GGT7: variants seen among roughly 807,000 people sequenced by gnomAD.
The protein encoded by GGT7 is glutathione hydrolase 7.
In GGT7, 30 loss-of-function variants were observed where a neutral mutation model predicts 69.2. The observed-to-expected ratio is 0.43, with a 90% confidence interval of 0.32 to 0.59. GGT7 has a LOEUF of 0.59. GGT7 is among the 20% of genes least tolerant of loss of function. The pLI is 0.05. For synonymous variants in GGT7, 388 were observed against 391.8 expected (o/e 0.99, Z 0.12); for missense variants, 733 against 901.1 (o/e 0.81, Z 2.39).
At position 34,859,645 on chromosome 20, in the gene GGT7, G is replaced by A. The variant is rs1474362780; in HGVS notation, c.818-6C>T. The A allele has an allele frequency of 6.3e-7, 1 of 1,582,574 alleles. No homozygotes were observed. Among genetic ancestry groups the A allele is most frequent in the East Asian group, 2.3e-5 (1 of 44,110 alleles). Reference sequence around the variant, plus strand: ...CTGTTCAGCCAGGGCACGGGCTAGGGGCAGGGACGGGAGGCTGGGCAGGGC... The same window carrying A: ...CTGTTCAGCCAGGGCACGGGCTAGGAGCAGGGACGGGAGGCTGGGCAGGGC... On this transcript the variant is annotated splice_region_variant and splice_polypyrimidine_tract_variant and intron_variant, in intron 6 of 14. Transcript: ENST00000336431.
chr20:34,863,097 C>A lies in GGT7; in HGVS notation c.406-132G>T. 1 of 912,912 alleles carries A rather than the reference C, an allele frequency of 1.1e-6. No individual in the cohort carries two copies. 56.6% of individuals were successfully genotyped at this position (912,912 alleles called of 1,614,324 possible). The stretch of plus-strand genomic sequence containing the variant: ...CCCCTTGTTGCCTTGACTCTGCCCT[C>A]ATTACCCCAAGTGCCTCCTAATGGA... On this transcript the variant is annotated intron_variant, in intron 2 of 14. Transcript: ENST00000336431. This position sits in a 1 kb window ranked among gnomAD's most constrained non-coding sequence, Gnocchi z 4.4.
chr20:34,856,791 C>G lies in GGT7; in HGVS notation c.1102+15G>C, dbSNP rs745601785. ...TCTCCTGAGGGGGGACCCTGGGAGC[C>G]GGGGGAGAGGTCACCTCTGTACACG... On this transcript the variant is annotated intron_variant, in intron 8 of 14. Coordinates refer to ENST00000336431, the MANE Select transcript of GGT7 (RefSeq NM_178026.3). The G allele has an allele frequency of 6.5e-6, 10 of 1,526,980 alleles. No individual in the cohort carries two copies. The South Asian group carries it at 1.0e-4, about 16-fold the overall frequency. 94.6% of individuals were successfully genotyped at this position (1,526,980 alleles called of 1,614,324 possible).
chr20:34,863,481 G>T lies in GGT7; in HGVS notation c.237C>A (p.Ser79Arg). ...RLPSSSSEMG[S>R]QDGSPLRETR... Reference sequence around the variant, plus strand: ...TCTCGCGTAGCGGCGACCCGTCTTGGCTGCCCATCTCCGACGACGACGATG... The same window carrying T: ...TCTCGCGTAGCGGCGACCCGTCTTGTCTGCCCATCTCCGACGACGACGATG... The change falls in exon 2 of 15, where the codon AGC becomes AGA. Residue 79 changes from serine (S) to arginine (R), a missense_variant. Coordinates refer to ENST00000336431, the MANE Select transcript of GGT7 (RefSeq NM_178026.3). The surrounding 1 kb of genome is among the most constrained non-coding windows in gnomAD (Gnocchi z 4.4). The T allele has an allele frequency of 6.2e-7, 1 of 1,608,694 alleles. No individual in the cohort carries two copies. Among genetic ancestry groups the T allele is most frequent in the Non-Finnish European group, 8.5e-7 (1 of 1,178,078 alleles).
chr20:34,866,619 G>A (rs772513576), intron 1 of GGT7, among the ~76,000 whole-genome samples: 1 of 150,750 alleles, frequency 6.6e-6, no homozygotes, highest in African/African-American at 2.4e-5. Flanking sequence ...TCACTCTGTC[G>A]CCCAGGCTGG....
rs115817866 is a variant in GGT7 at position 34,859,818 on chromosome 20, G to T, written c.817+151C>A. On this transcript the variant is annotated intron_variant, in intron 6 of 14. Transcript: ENST00000336431. ...CCCTTCCCAGACCCCCTCGTTTGAG[G>T]CCGCCTCCAGGTGAGGGTGGGATAA... The T allele has an allele frequency of 3.8e-3, 2,920 of 771,640 alleles. 53 individuals carry two copies. In the African/African-American group the frequency reaches 0.045, roughly 12 times the overall value. The allele number at this position is 771,640 out of a possible 1,614,324, so 47.8% of individuals were successfully genotyped here. A position where few individuals can be genotyped will look rare whatever the true frequency, so the allele number is the denominator to read the frequency against.
chr20:34,850,782 C>A, intron 13 of GGT7: 2 of 498,114 alleles, frequency 4.0e-6, no homozygotes, highest in Admixed American at 2.1e-5. Context: ...GTTAACTCAC[C>A]ACCTGCCAAA....
intron 8 of GGT7, among the ~76,000 whole-genome samples, chr20:34,856,336 T>A (rs1235663836): frequency 6.6e-6 from 1 of 152,200 alleles, no homozygotes; most frequent in African/African-American, 2.4e-5. Flanking sequence ...TTGGTTTTCT[T>A]GAGTTTGGCC....
intron 8 of GGT7, among the ~76,000 whole-genome samples, chr20:34,855,981 C>A (rs562470153): frequency 6.6e-6 from 1 of 152,096 alleles, no homozygotes; most frequent in Non-Finnish European, 1.5e-5. Flanking sequence ...TTTATAGAGA[C>A]GGTGTCTCAC....
chr20:34,859,422 C>A, intron 7 of GGT7, 21 bp downstream of exon 7: 1 of 1,549,908 alleles, frequency 6.5e-7, no homozygotes, highest in South Asian at 1.2e-5. Context: ...ATGCCCCCAC[C>A]CGCACAACAC....
chr20:34,869,789 G>A (rs1011383334), intron 1 of GGT7, among the ~76,000 whole-genome samples: 1 of 152,162 alleles, frequency 6.6e-6, no homozygotes, highest in African/African-American at 2.4e-5. Context: ...GGCAGTGGAG[G>A]AAGAGCAGGT....
At chr20:34,853,342 T>G (rs6060085) in intron 10 of GGT7, among the ~76,000 whole-genome samples, 25 of 17,128 alleles carry the variant, frequency 1.5e-3, no homozygotes, top group Middle Eastern at 0.026. Context: ...TTCATATAGG[T>G]GTGTGTGTGT....
At position 34,851,233 on chromosome 20, in the gene GGT7, G is replaced by C; in HGVS notation, c.1723C>G (p.Gln575Glu). The change falls in exon 13 of 15, where the codon CAG becomes GAG. Residue 575 changes from glutamine to glutamate, a missense_variant and splice_region_variant. Coordinates refer to ENST00000336431, the MANE Select transcript of GGT7 (RefSeq NM_178026.3). ...GAARGLSGLT[Q>E]VLLNVLTLNR... is the part of the protein sequence containing the mutation. Reference sequence around the variant, plus strand: ...GCCAACCATGGCGTAAACCTCACCTGTGTCAGGCCGCTGAGGCCCCGCGCA... The same window carrying C: ...GCCAACCATGGCGTAAACCTCACCTCTGTCAGGCCGCTGAGGCCCCGCGCA... 1 of 1,613,166 alleles carries C rather than the reference G, an allele frequency of 6.2e-7. No homozygotes were observed. Among genetic ancestry groups the C allele is most frequent in the South Asian group, 1.1e-5 (1 of 91,090 alleles).
intron 13 of GGT7, 113 bp from the exon 14 acceptor site, chr20:34,850,173 G>T (rs1480437938): frequency 2.5e-6 from 2 of 814,628 alleles, no homozygotes; most frequent in Non-Finnish European, 4.4e-6. Flanking sequence ...CTTACACCGG[G>T]TGTCATCTGA....
At chr20:34,852,727 T>C (rs1341541429) in intron 10 of GGT7, among the ~76,000 whole-genome samples, 189 bp from the exon 11 acceptor site, 2 of 152,232 alleles carry the variant, frequency 1.3e-5, no homozygotes, top group Non-Finnish European at 2.9e-5. Context: ...TGAATGTATT[T>C]AGGTATTATT....
chr20:34,869,005 T>C (rs2079737694), intron 1 of GGT7, among the ~76,000 whole-genome samples: 1 of 152,206 alleles, frequency 6.6e-6, no homozygotes, highest in Non-Finnish European at 1.5e-5. Context: ...TTTTTGGATG[T>C]AGCTCAGTTA....
chr20:34,864,925 C>G (rs549952757), intron 1 of GGT7, among the ~76,000 whole-genome samples: 3 of 151,900 alleles, frequency 2.0e-5, no homozygotes, highest in African/African-American at 7.2e-5. Flanking sequence ...TGGGTTCAAG[C>G]GACTCTCTTG....
At chr20:34,867,872 T>G (rs374349493) in intron 1 of GGT7, among the ~76,000 whole-genome samples, 70 of 152,356 alleles carry the variant, frequency 4.6e-4, no homozygotes, top group Middle Eastern at 6.8e-3. Context: ...TTCTTGGTAC[T>G]TATTGCTTTG....
chr20:34,862,038 T>G (rs1388842752), intron 3 of GGT7, among the ~76,000 whole-genome samples: 1 of 152,198 alleles, frequency 6.6e-6, no homozygotes, highest in African/African-American at 2.4e-5. Flanking sequence ...ATAGGAACTT[T>G]GTCAGCTTGT....
chr20:34,872,393 C>T, intron 1 of GGT7: 1 of 355,514 alleles, frequency 2.8e-6, no homozygotes, highest in Admixed American at 4.7e-5. Context: ...TTAGTTGGTT[C>T]TTCCCAGAAG....
Sources: gnomAD v4.1 joint callset for allele counts (sites outside exome capture counted in the v4.1 genomes callset) on GRCh38, gnomAD v4.1.1 for gene constraint, Gnocchi (gnomAD v3.1) non-coding constraint, MANE v1.5 for transcripts, NCBI Gene and HGNC (gene_info 2026-07-23, HGNC 2026-07-21) for gene names.